Variants in DGKB observed in about 807,000 individuals in gnomAD.
The protein encoded by DGKB is 90 kDa diacylglycerol kinase.
DGKB carries 67 observed loss-of-function variants against 114.3 expected under a neutral mutation model. The observed-to-expected ratio is 0.59, with a 90% CI of 0.48 to 0.72. DGKB has a LOEUF of 0.72. Among genes scored for constraint, DGKB ranks in the 30% least tolerant of loss-of-function variants. The pLI, the probability that DGKB is intolerant of heterozygous loss-of-function variation, is 0.00. For missense variants in DGKB, 907 were observed against 975.2 expected (o/e 0.93, Z 0.93); for synonymous variants, 398 against 323.1 (o/e 1.23, Z -2.49).
intron 20 of DGKB, among the ~76,000 whole-genome samples, chr7:14,519,980 C>G (rs6958607): frequency 4.6e-5 from 7 of 151,392 alleles, no homozygotes; most frequent in Admixed American, 4.0e-4. Context: ...TTTACAAATA[C>G]TTTTCCACTC....
At chr7:14,690,307 T>C (rs1367661726) in intron 9 of DGKB, among the ~76,000 whole-genome samples, 1 of 152,198 alleles carries the variant, frequency 6.6e-6, no homozygotes, top group Non-Finnish European at 1.5e-5. Flanking sequence ...CTGCCTGGTA[T>C]AAAAATGACC....
intron 1 of DGKB, among the ~76,000 whole-genome samples, chr7:14,859,731 C>T (rs530187321): frequency 3.9e-5 from 6 of 152,084 alleles, no homozygotes; most frequent in African/African-American, 1.4e-4. Flanking sequence ...ATGAAACTTA[C>T]CTGTTGTTTA....
chr7:14,744,776 A>T (rs1833031166), intron 4 of DGKB, among the ~76,000 whole-genome samples: 1 of 152,198 alleles, frequency 6.6e-6, no homozygotes, highest in African/African-American at 2.4e-5. Context: ...GGAGATAAAA[A>T]TTATGTTTCA....
chr7:14,876,509 C>CA lies in DGKB; in HGVS notation c.-188+26082dup, dbSNP rs573333953. Among the ~76,000 whole-genome samples, 380 of 152,346 alleles carry CA rather than the reference C, an allele frequency of 2.5e-3. 2 individuals carry two copies. The highest frequency in any genetic ancestry group is 8.7e-3 in the African/African-American group (362 of 41,588). On this transcript the variant is annotated intron_variant, in intron 1 of 25. Coordinates refer to ENST00000402815, the MANE Select transcript of DGKB (RefSeq NM_001350709.2). ...AGCCTCACTTTGGAGCTCGCCTTTG[C>CA]AGCATCAACTTGGTTACTGATCAAG...
At chr7:14,610,308 T>C (rs139027314) in intron 16 of DGKB, among the ~76,000 whole-genome samples, 1 of 152,010 alleles carries the variant, frequency 6.6e-6, no homozygotes, top group Non-Finnish European at 1.5e-5. Flanking sequence ...CACGAAATGT[T>C]AAGCAGCAGC....
intron 1 of DGKB, among the ~76,000 whole-genome samples, chr7:14,875,081 G>T (rs1853069694): frequency 6.6e-6 from 1 of 152,034 alleles, no homozygotes; most frequent in Admixed American, 6.6e-5. Flanking sequence ...CCACTAAATA[G>T]ATGTGATGGA....
chr7:14,578,774 A>G (rs1352603324), intron 19 of DGKB, among the ~76,000 whole-genome samples: 1 of 152,158 alleles, frequency 6.6e-6, no homozygotes, highest in East Asian at 1.9e-4. Context: ...CCCCAAATTA[A>G]TCTGTTTTTG....
At chr7:14,436,181 C>T (rs1431865000) in intron 21 of DGKB, among the ~76,000 whole-genome samples, 1 of 152,058 alleles carries the variant, frequency 6.6e-6, no homozygotes, top group Non-Finnish European at 1.5e-5. Flanking sequence ...CTGTAGTGTA[C>T]ATTTAAAATG....
chr7:14,152,934 C>A (rs985666407), intron 25 of DGKB, among the ~76,000 whole-genome samples: 4 of 152,110 alleles, frequency 2.6e-5, no homozygotes, highest in Non-Finnish European at 5.9e-5. Context: ...CCCCCTATTT[C>A]ATCCACCTCT....
chr7:14,412,183 A>C (rs1284646193), intron 21 of DGKB, among the ~76,000 whole-genome samples: 1 of 152,174 alleles, frequency 6.6e-6, no homozygotes, highest in Non-Finnish European at 1.5e-5. Context: ...ATTCAGAAAA[A>C]ATTTGCTGAA....
At chr7:14,760,592 C>A (rs1459526354) in intron 2 of DGKB, among the ~76,000 whole-genome samples, 3 of 152,038 alleles carry the variant, frequency 2.0e-5, no homozygotes, top group African/African-American at 7.2e-5. Flanking sequence ...GCAACCCATA[C>A]TGTGCAGACC....
intron 21 of DGKB, 82 bp from the exon 22 acceptor site, chr7:14,345,473 T>G: frequency 1.5e-6 from 1 of 689,376 alleles, no homozygotes; most frequent in Non-Finnish European, 2.5e-6. Flanking sequence ...CTCTGTCTTG[T>G]GTTATAATAG....
Position 14,580,943 on chromosome 7 carries a change from T to C in DGKB, c.1528A>G (p.Asn510Asp), listed in dbSNP as rs1338266365. ...GCAACTGGAGGATGCTTGCCTACAT[T>C]GGCCTTTTCTGCAGAATAAAAAAAA... The part of the protein sequence containing the change: ...GWVLDCIEKA[N>D]VGKHPPVAIL... Residue 510 changes from asparagine (N) to aspartate (D), a missense_variant, in exon 19 of 26, where the codon AAT (asparagine) becomes GAT (aspartate). Physicochemically the swap from Asn to Asp is conservative, Grantham distance 23 (BLOSUM62 1). Around this residue, in one of 3 missense-constraint regions of DGKB, gnomAD observed 814 missense variants for 856.6 expected, o/e 0.95. Transcript: ENST00000402815. The C allele has an allele frequency of 1.3e-6, 2 of 1,596,208 alleles. No individual in the cohort carries two copies. The highest frequency in any genetic ancestry group is 4.5e-5 in the East Asian group (2 of 44,712).
chr7:14,656,170 A>G (rs1815744015), intron 13 of DGKB, among the ~76,000 whole-genome samples: 1 of 151,708 alleles, frequency 6.6e-6, no homozygotes. Context: ...TATGGTAACT[A>G]TAGATAAAGT....
At chr7:14,216,733 A>AC (rs1164964343) in intron 23 of DGKB, among the ~76,000 whole-genome samples, 1 of 150,616 alleles carries the variant, frequency 6.6e-6, no homozygotes, top group African/African-American at 2.4e-5. Flanking sequence ...CTCAAAAAAA[A>AC]AAAAAAAAAA....
In DGKB at chr7:14,438,819, C is replaced by T. The variant is rs539977447; in HGVS notation, c.1835+39342G>A. Reference sequence around the variant, plus strand: ...TAATTAAGTATCACCTAATTATCTTCCCTATATCTTTTGAAAGGTTAACAC... The same window carrying T: ...TAATTAAGTATCACCTAATTATCTTTCCTATATCTTTTGAAAGGTTAACAC... On this transcript the variant is annotated intron_variant, in intron 21 of 25. Coordinates refer to ENST00000402815, the MANE Select transcript of DGKB (RefSeq NM_001350709.2). 3.7e-4 allele frequency among the ~76,000 whole-genome samples: 57 copies of T among 152,132 alleles called. 1 individual carries two copies. In the South Asian group the frequency reaches 0.011, roughly 31 times the overall value.
At chr7:14,629,328 T>C (rs1389801981) in intron 14 of DGKB, among the ~76,000 whole-genome samples, 1 of 152,090 alleles carries the variant, frequency 6.6e-6, no homozygotes, top group African/African-American at 2.4e-5. Flanking sequence ...TTTAAGTGTA[T>C]GTCCAAGTAT....
intron 4 of DGKB, among the ~76,000 whole-genome samples, chr7:14,751,270 A>G (rs1009559132): frequency 6.6e-5 from 10 of 152,348 alleles, no homozygotes; most frequent in African/African-American, 2.4e-4. Flanking sequence ...TTTAACTTCT[A>G]TATCAATTGT....
At chr7:14,163,454 T>C (rs568513651) in intron 25 of DGKB, among the ~76,000 whole-genome samples, 25 of 152,342 alleles carry the variant, frequency 1.6e-4, no homozygotes, top group Non-Finnish European at 3.2e-4. Context: ...TAAACACTGA[T>C]GTGCCAGTCT....
Sources: gnomAD v4.1 joint callset for allele counts (sites outside exome capture counted in the v4.1 genomes callset) on GRCh38, gnomAD v4.1.1 for gene constraint, gnomAD v4.1.1 regional missense constraint, MANE v1.5 for transcripts, NCBI Gene and HGNC (gene_info 2026-07-23, HGNC 2026-07-21) for gene names.